The following TMPRSS15 variants were observed in gnomAD, a reference collection of about 807,000 sequenced individuals.
The protein encoded by TMPRSS15 is transmembrane serine protease 15.
TMPRSS15 carries 128 observed loss-of-function variants against 125.3 expected under a neutral mutation model. The observed-to-expected ratio is 1.02, with a 90% CI of 0.89 to 1.18. TMPRSS15 has a LOEUF of 1.18. TMPRSS15 is among the 50% of genes most tolerant of loss of function. TMPRSS15 has a pLI of 0.00. For synonymous variants in TMPRSS15, 446 were observed against 423.2 expected, an observed-to-expected ratio of 1.05 and a Z score of -0.66; for missense variants, 1,283 against 1,212.7, an observed-to-expected ratio of 1.06 and a Z score of -0.86.
At chr21:18,366,350 C>A (rs539510964) in intron 6 of TMPRSS15, among the ~76,000 whole-genome samples, 1 of 152,124 alleles carries the variant, frequency 6.6e-6, no homozygotes, top group African/African-American at 2.4e-5. Context: ...TGGGAGATAA[C>A]TAGTTCAATG....
chr21:18,453,626 A>G (rs1019192329), intron 1 of TMPRSS15, among the ~76,000 whole-genome samples: 1 of 152,214 alleles, frequency 6.6e-6, no homozygotes, highest in Non-Finnish European at 1.5e-5. Flanking sequence ...GAACTACTGT[A>G]TGATTCAGCA....
chr21:18,288,168 T>A (rs1211071349), intron 21 of TMPRSS15, among the ~76,000 whole-genome samples: 1 of 152,150 alleles, frequency 6.6e-6, no homozygotes, highest in Non-Finnish European at 1.5e-5. Flanking sequence ...AAGAATAAAA[T>A]CATGTCTTTT....
intron 3 of TMPRSS15, among the ~76,000 whole-genome samples, chr21:18,396,602 A>G (rs1034468315): frequency 6.6e-6 from 1 of 151,842 alleles, no homozygotes; most frequent in Non-Finnish European, 1.5e-5. Context: ...GTGAAACAGC[A>G]TCTCTACTAA....
intron 11 of TMPRSS15, 91 bp from the exon 12 acceptor site, chr21:18,343,747 A>T (rs964564118): frequency 2.1e-6 from 3 of 1,452,374 alleles, no homozygotes; most frequent in Non-Finnish European, 1.9e-6. Flanking sequence ...CTTTCTTTGA[A>T]ATAATCTTTT....
intron 1 of TMPRSS15, among the ~76,000 whole-genome samples, chr21:18,414,206 C>T (rs1384225201): frequency 6.6e-6 from 1 of 151,936 alleles, no homozygotes; most frequent in Non-Finnish European, 1.5e-5. Flanking sequence ...TTAAGATACA[C>T]ACCACTGCAC....
chr21:18,304,795 A>T (rs1381487507), intron 18 of TMPRSS15, among the ~76,000 whole-genome samples: 1 of 152,126 alleles, frequency 6.6e-6, no homozygotes, highest in African/African-American at 2.4e-5. Context: ...AATTTTTGAT[A>T]ATTATTTTTA....
rs376809929 is a variant in TMPRSS15, at chr21:18,326,301, C to A, written c.1921+131G>T. ...GATGTAAAGGAGGAAAAATCATCTT[C>A]ATTAAGATGAGGAAGAATAAGTGTC... On this transcript the variant is annotated intron_variant, in intron 16 of 24. Coordinates refer to ENST00000284885, the MANE Select transcript of TMPRSS15 (RefSeq NM_002772.3). The A allele has an allele frequency of 7.6e-5, 99 of 1,309,654 alleles. 2 individuals carry two copies. The South Asian group carries it at 1.1e-3, about 15-fold the overall frequency. The allele number at this position is 1,309,654 out of a possible 1,614,324, so 81.1% of individuals were successfully genotyped here. A position where few individuals can be genotyped will look rare whatever the true frequency, so the allele number is the denominator to read the frequency against.
chr21:18,418,558 T>C (rs1190085279), intron 1 of TMPRSS15, among the ~76,000 whole-genome samples: 3 of 152,152 alleles, frequency 2.0e-5, no homozygotes, highest in East Asian at 1.9e-4. Context: ...CTTGCTGAAA[T>C]AGGGAAAATG....
chr21:18,281,819 C>T (rs909389967), intron 21 of TMPRSS15, among the ~76,000 whole-genome samples: 1 of 152,042 alleles, frequency 6.6e-6, no homozygotes, highest in Non-Finnish European at 1.5e-5. Context: ...GTAAACAAGC[C>T]AGGCGCGGTG....
intron 18 of TMPRSS15, among the ~76,000 whole-genome samples, chr21:18,305,083 A>G (rs925914336): frequency 7.9e-5 from 12 of 151,704 alleles, no homozygotes; most frequent in African/African-American, 2.9e-4. Flanking sequence ...ATGCACCTGA[A>G]TTACCTGAAG....
intron 10 of TMPRSS15, among the ~76,000 whole-genome samples, chr21:18,349,026 C>T (rs2146999473): frequency 6.6e-6 from 1 of 152,202 alleles, no homozygotes; most frequent in Admixed American, 6.5e-5. Context: ...AATGGCAGGG[C>T]TAAGATTTAA....
intron 6 of TMPRSS15, among the ~76,000 whole-genome samples, chr21:18,368,369 C>A (rs1484602892): frequency 6.6e-6 from 1 of 152,194 alleles, no homozygotes; most frequent in Non-Finnish European, 1.5e-5. Context: ...TCCCCAAATC[C>A]CTTGGAGTCA....
chr21:18,437,843 T>C (rs1240153939), intron 1 of TMPRSS15, among the ~76,000 whole-genome samples: 1 of 152,022 alleles, frequency 6.6e-6, no homozygotes, highest in East Asian at 1.9e-4. Context: ...CTGGAGAGGA[T>C]GTGGAGAAAT....
At chr21:18,419,189 C>G (rs904574549) in intron 1 of TMPRSS15, among the ~76,000 whole-genome samples, 3 of 148,690 alleles carry the variant, frequency 2.0e-5, no homozygotes, top group African/African-American at 7.4e-5. Flanking sequence ...TGCCAGTGAA[C>G]TTTCTTGATA....
chr21:18,363,714 ATGTG>A (rs761592416), intron 7 of TMPRSS15, among the ~76,000 whole-genome samples: 169 of 151,566 alleles, frequency 1.1e-3, no homozygotes, highest in Non-Finnish European at 6.3e-4. Flanking sequence ...TGAAGTGATT[ATGTG>A]TGTGTGTGTG....
chr21:18,405,670 G>C (rs549290738), upstream of TMPRSS15, among the ~76,000 whole-genome samples: 13 of 152,094 alleles, frequency 8.5e-5, no homozygotes, highest in Non-Finnish European at 1.9e-4. Context: ...TCAATACATA[G>C]CGCCGCATTG....
intron 3 of TMPRSS15, among the ~76,000 whole-genome samples, chr21:18,389,671 G>A (rs943706399): frequency 6.6e-6 from 1 of 152,058 alleles, no homozygotes; most frequent in East Asian, 1.9e-4. Context: ...AGATGGGAAG[G>A]CACTGAGGTT....
At chr21:18,438,227 C>T (rs1248765835) in intron 1 of TMPRSS15, among the ~76,000 whole-genome samples, 10 of 149,002 alleles carry the variant, frequency 6.7e-5, no homozygotes, top group Non-Finnish European at 1.2e-4. Context: ...ATCGCAAGGA[C>T]AAAAAACCAA....
At chr21:18,312,892 G>C in intron 18 of TMPRSS15, 53 bp downstream of exon 18, 1 of 1,604,550 alleles carries the variant, frequency 6.2e-7, no homozygotes, top group Non-Finnish European at 8.5e-7. Context: ...TAATTTGATA[G>C]TAATAAAAAG....
Sources: gnomAD v4.1 joint callset for allele counts (sites outside exome capture counted in the v4.1 genomes callset) on GRCh38, gnomAD v4.1.1 for gene constraint, MANE v1.5 for transcripts, NCBI Gene and HGNC (gene_info 2026-07-23, HGNC 2026-07-21) for gene names.